Variants in NPAS3 observed in about 807,000 individuals in gnomAD.
NPAS3 encodes neuronal PAS domain-containing protein 3.
Under a neutral mutation model 73.1 loss-of-function variants are expected in NPAS3, and 14 were observed. That is an observed-to-expected ratio of 0.19 (90% CI 0.13 to 0.30). NPAS3 has a LOEUF of 0.30. Ranked by LOEUF, NPAS3 falls within the 10% of genes least tolerant of loss-of-function variation. NPAS3 has a pLI of 1.00. For missense variants in NPAS3, 1,096 were observed against 1,250.0 expected, an observed-to-expected ratio of 0.88 and a Z score of 1.86; for synonymous variants, 620 against 541.5, an observed-to-expected ratio of 1.14 and a Z score of -2.01.
intron 7 of NPAS3, among the ~76,000 whole-genome samples, chr14:33,773,543 T>C (rs1167331007): frequency 1.3e-5 from 2 of 152,248 alleles, no homozygotes; most frequent in Non-Finnish European, 2.9e-5. Flanking sequence ...GGCTCTTCTA[T>C]GTGCAGTTTA....
At chr14:33,483,758 A>C (rs1439777101) in intron 4 of NPAS3, among the ~76,000 whole-genome samples, 1 of 152,002 alleles carries the variant, frequency 6.6e-6, no homozygotes, top group Admixed American at 6.6e-5. Flanking sequence ...TGACCCAAGC[A>C]CCTCCCTCGA....
chr14:33,376,039 A>C (rs1415776234), intron 4 of NPAS3, among the ~76,000 whole-genome samples: 3 of 152,148 alleles, frequency 2.0e-5, no homozygotes, highest in Admixed American at 1.3e-4. Flanking sequence ...TGGTTTGCCA[A>C]GAATTATCTC....
At chr14:32,940,988 C>G (rs10136746) in intron 1 of NPAS3, among the ~76,000 whole-genome samples, 7,716 of 152,232 alleles carry the variant, frequency 0.051, 233 homozygotes, top group African/African-American at 0.065. Context: ...TGCTCCCAAA[C>G]TGTAGAAAAT....
rs1321999528 is a variant in NPAS3 at position 33,800,719 on chromosome 14, G to C, written c.2412G>C (p.Pro804=). Reference sequence around the variant, plus strand: ...TGCAGGCGGGCAACGTCGTGCTCCCGCTGGTGCACAGGGTGACCGGGACCC... The same window carrying C: ...TGCAGGCGGGCAACGTCGTGCTCCCCCTGGTGCACAGGGTGACCGGGACCC... Residue 804 remains proline (P), a synonymous_variant, in exon 12 of 12, where the codon CCG becomes CCC. Coordinates refer to ENST00000356141, the Ensembl canonical transcript of NPAS3. This position sits in a 1 kb window ranked among gnomAD's most constrained non-coding sequence, Gnocchi z 6.5. 3.9e-6 allele frequency: 6 copies of C among 1,550,664 alleles called. No individual in the cohort carries two copies. Among genetic ancestry groups the C allele is most frequent in the Non-Finnish European group, 5.2e-6 (6 of 1,149,860 alleles).
intron 3 of NPAS3, among the ~76,000 whole-genome samples, chr14:33,300,667 T>C (rs972799335): frequency 6.6e-6 from 1 of 151,968 alleles, no homozygotes; most frequent in African/African-American, 2.4e-5. Context: ...GACCAGGGGC[T>C]GGCCATAGAG....
In NPAS3 at chr14:33,800,732, G is replaced by A. The variant is rs565912410; in HGVS notation, c.2425G>A (p.Val809Met). ...CGTCGTGCTCCCGCTGGTGCACAGGGTGACCGGGACCCTGGCCGCCACCAG... is the reference window on the plus strand; with the variant it reads ...CGTCGTGCTCCCGCTGGTGCACAGGATGACCGGGACCCTGGCCGCCACCAG... The change falls in exon 12 of 12, where the codon GTG (valine) becomes ATG (methionine). Residue 809 changes from valine to methionine, a missense_variant. Val to Met is a conservative substitution (Grantham distance 21). This residue lies in a region of NPAS3 where 698 missense variants were observed against 676.7 expected (regional missense o/e 1.03). Transcript: ENST00000356141. The surrounding 1 kb of genome is among the most constrained non-coding windows in gnomAD (Gnocchi z 6.5). 5.7e-5 allele frequency: 89 copies of A among 1,555,452 alleles called. No individual in the cohort carries two copies. In the South Asian group the frequency reaches 9.7e-4, roughly 17 times the overall value.
chr14:33,307,940 C>T (rs1239391997), intron 3 of NPAS3, among the ~76,000 whole-genome samples: 1 of 152,124 alleles, frequency 6.6e-6, no homozygotes, highest in Non-Finnish European at 1.5e-5. Flanking sequence ...AACACTACCC[C>T]TCATGTAGCG....
intron 4 of NPAS3, among the ~76,000 whole-genome samples, chr14:33,451,235 G>A (rs1041685556): frequency 1.3e-5 from 2 of 152,080 alleles, no homozygotes; most frequent in African/African-American, 4.8e-5. Context: ...CTCCTTATTT[G>A]CTCTGCCTGC....
At position 33,691,280 on chromosome 14, in the gene NPAS3, G is replaced by C. The variant is rs148381560; in HGVS notation, c.733+14895G>C. ...TGAAATTGTGGGATGTGGAGGTACA[G>C]TTTATAAGAATATAAAATGGAACAA... On this transcript the variant is annotated intron_variant, in intron 6 of 11. Transcript: ENST00000356141. 1.6e-3 allele frequency among the ~76,000 whole-genome samples: 243 copies of C among 152,298 alleles called. 2 individuals are homozygous for C. Among genetic ancestry groups the C allele is most frequent in the African/African-American group, 5.6e-3 (232 of 41,574 alleles).
At chr14:32,972,948 C>A (rs1375243326) in intron 1 of NPAS3, among the ~76,000 whole-genome samples, 1 of 152,184 alleles carries the variant, frequency 6.6e-6, no homozygotes, top group East Asian at 1.9e-4. Context: ...TAATGGTTAG[C>A]ACATATGCTG....
At position 33,543,593 on chromosome 14, in the gene NPAS3, T is replaced by C. The variant is rs566996159; in HGVS notation, c.469-16528T>C. 5.3e-5 allele frequency among the ~76,000 whole-genome samples: 8 copies of C among 152,210 alleles called. No homozygotes were observed. The East Asian group carries it at 1.6e-3, about 30-fold the overall frequency. ...AACACTGCACCCACAGAATGGGATC[T>C]ACCCAGTGGATTATGATCCACCAAG... On this transcript the variant is annotated intron_variant, in intron 4 of 11. Coordinates refer to ENST00000356141, the Ensembl canonical transcript of NPAS3.
intron 4 of NPAS3, among the ~76,000 whole-genome samples, chr14:33,446,408 C>G (rs1218649783): frequency 2.0e-5 from 3 of 151,914 alleles, no homozygotes; most frequent in African/African-American, 4.8e-5. Context: ...ATCTCCTGAC[C>G]TCATGATCCA....
chr14:33,254,063 T>C (rs2048687322), intron 3 of NPAS3, among the ~76,000 whole-genome samples: 1 of 152,068 alleles, frequency 6.6e-6, no homozygotes, highest in African/African-American at 2.4e-5. Context: ...ATCCTCATCC[T>C]CTCTGCTTTA....
intron 2 of NPAS3, among the ~76,000 whole-genome samples, chr14:33,145,269 C>A (rs1595544259): frequency 2.0e-5 from 3 of 152,240 alleles, no homozygotes. Context: ...CTTTTCCAAT[C>A]CCTAATAAAA....
At chr14:32,966,204 A>C (rs999122802) in intron 1 of NPAS3, among the ~76,000 whole-genome samples, 3 of 152,222 alleles carry the variant, frequency 2.0e-5, no homozygotes, top group African/African-American at 7.2e-5. Context: ...AAGCAATCCT[A>C]AAATTTGCAA....
chr14:33,436,253 A>G (rs186074469), intron 4 of NPAS3, among the ~76,000 whole-genome samples: 16 of 152,318 alleles, frequency 1.1e-4, no homozygotes, highest in Admixed American at 8.5e-4. Flanking sequence ...AGATGCATGC[A>G]AATGTTATCT....
intron 5 of NPAS3, among the ~76,000 whole-genome samples, chr14:33,611,716 T>C (rs1313234733): frequency 2.6e-5 from 4 of 152,174 alleles, no homozygotes; most frequent in Non-Finnish European, 5.9e-5. Context: ...AAGGCTAATT[T>C]TTTGCCTGTA....
chr14:33,037,270 G>A, intron 1 of NPAS3, among the ~76,000 whole-genome samples: 1 of 152,060 alleles, frequency 6.6e-6, no homozygotes, highest in East Asian at 1.9e-4. Context: ...ATTAAGATAG[G>A]TGGTTGGGAC....
chr14:33,472,608 A>G (rs1482903353), intron 4 of NPAS3, among the ~76,000 whole-genome samples: 1 of 143,582 alleles, frequency 7.0e-6, no homozygotes, highest in African/African-American at 3.0e-5. Flanking sequence ...AGTTACTTGA[A>G]TCAGCTGATA....
Sources: allele counts gnomAD v4.1 joint callset (sites outside exome capture counted in the v4.1 genomes callset), GRCh38; gene constraint gnomAD v4.1.1; regional missense constraint gnomAD v4.1.1; non-coding constraint Gnocchi (gnomAD v3.1); transcripts MANE v1.5; gene names NCBI Gene and HGNC (gene_info 2026-07-23, HGNC 2026-07-21).